Variants in NEBL observed in about 807,000 individuals in gnomAD.
NEBL encodes the protein LIM and SH3 protein 2.
NEBL carries 122 observed loss-of-function variants against 140.2 expected under a neutral mutation model. That is an observed-to-expected ratio of 0.87 (90% CI 0.75 to 1.01). The LOEUF (loss-of-function observed/expected upper bound fraction) is 1.01. Ranked by LOEUF, NEBL falls within the 50% of genes least tolerant of loss-of-function variation. The probability of loss-of-function intolerance (pLI) is 0.00; values close to 1 mark genes in which losing one functional copy is unlikely to be tolerated. For synonymous variants in NEBL, 436 were observed against 398.9 expected (o/e 1.09, Z -1.11); for missense variants, 1,365 against 1,231.3 (o/e 1.11, Z -1.62).
In NEBL at chr10:20,940,081, G is replaced by A. The variant is rs868747342; in HGVS notation, c.357+21591C>T. Among the ~76,000 whole-genome samples, 986 of 151,756 alleles carry A rather than the reference G, an allele frequency of 6.5e-3. 10 individuals are homozygous for A. The highest frequency in any genetic ancestry group is 0.021 in the African/African-American group (884 of 41,350). On this transcript the variant is annotated intron_variant, in intron 4 of 6. Coordinates refer to the NEBL transcript ENST00000417816. The stretch of plus-strand genomic sequence containing the variant: ...AATTGAACTCAGCTCTGCACCAAGC[G>A]GACTTAATAGACATCTACAGAACTC...
At chr10:21,004,442 CG>C (rs1838034322) in intron 3 of NEBL, among the ~76,000 whole-genome samples, 1 of 152,032 alleles carries the variant, frequency 6.6e-6, no homozygotes, top group Admixed American at 6.6e-5. Flanking sequence ...TCACCTGGGC[CG>C]GGCACGGTGG....
chr10:20,876,333 G>A (rs914771264), intron 5 of NEBL, among the ~76,000 whole-genome samples: 1 of 152,068 alleles, frequency 6.6e-6, no homozygotes, highest in African/African-American at 2.4e-5. Context: ...ACCATATTGT[G>A]TAGAAGGCAG....
intron 26 of NEBL, among the ~76,000 whole-genome samples, chr10:20,802,358 C>T (rs992864696): frequency 3.3e-5 from 5 of 152,070 alleles, no homozygotes; most frequent in African/African-American, 4.8e-5. Context: ...AATCTAATAC[C>T]AAAAGGCAGT....
chr10:20,996,889 C>T (rs1467547319), intron 3 of NEBL, among the ~76,000 whole-genome samples: 1 of 152,178 alleles, frequency 6.6e-6, no homozygotes, highest in African/African-American at 2.4e-5. Flanking sequence ...TCTCTCTAAA[C>T]CCCAGAATAC....
intron 7 of NEBL, among the ~76,000 whole-genome samples, chr10:20,865,604 A>C (rs1588871363): frequency 6.6e-6 from 1 of 152,256 alleles, no homozygotes; most frequent in East Asian, 1.9e-4. Context: ...AGAGGCCAGT[A>C]GCTATGCTGG....
intron 3 of NEBL, among the ~76,000 whole-genome samples, chr10:21,206,581 T>C (rs905719070): frequency 2.0e-5 from 3 of 152,144 alleles, no homozygotes; most frequent in African/African-American, 7.2e-5. Context: ...TTATGGGAAG[T>C]CAACATACCT....
chr10:21,186,257 A>AACACAC (rs765894739), intron 3 of NEBL, among the ~76,000 whole-genome samples: 3,573 of 124,788 alleles, frequency 0.029, 127 homozygotes, highest in African/African-American at 0.085. Context: ...TATATATACA[A>AACACAC]ACACACACAC....
intron 2 of NEBL, among the ~76,000 whole-genome samples, chr10:21,091,027 T>C (rs1334822549): frequency 6.6e-6 from 1 of 151,890 alleles, no homozygotes; most frequent in East Asian, 1.9e-4. Flanking sequence ...CAATTTTGAT[T>C]CCTCCCTCTC....
At chr10:21,103,728 CT>C (rs2077395377) in intron 2 of NEBL, among the ~76,000 whole-genome samples, 1 of 102,500 alleles carries the variant, frequency 9.8e-6, no homozygotes, top group Non-Finnish European at 1.7e-5. Flanking sequence ...TTCTCCTATT[CT>C]CTGGCTCCCT....
At chr10:20,939,605 G>A (rs1389137953) in intron 4 of NEBL, among the ~76,000 whole-genome samples, 2 of 152,038 alleles carry the variant, frequency 1.3e-5, no homozygotes, top group African/African-American at 4.8e-5. Flanking sequence ...AAACGTAAAT[G>A]GGCTAAATGC....
chr10:20,890,098 C>T (rs536160175), intron 2 of NEBL, 149 bp from the exon 3 acceptor site: 21 of 610,478 alleles, frequency 3.4e-5, no homozygotes, highest in East Asian at 8.4e-5. Flanking sequence ...GTTAAATAAA[C>T]GGCTATCCAG....
chr10:21,257,871 C>T lies in NEBL; in HGVS notation n.183-6043G>A, dbSNP rs188180631. ...CTGCACTCCAGCCTGGGTGGCAGAG[C>T]GAGACTCCATCTCACACACACACAC... is the stretch of plus-strand genomic sequence containing the variant. On this transcript the variant is annotated intron_variant and non_coding_transcript_variant, in intron 1 of 8. Transcript: ENST00000675702. Among the ~76,000 whole-genome samples the T allele has an allele frequency of 1.7e-3, 254 of 150,936 alleles. 1 individual carries two copies. Among genetic ancestry groups the T allele is most frequent in the African/African-American group, 5.9e-3 (240 of 41,016 alleles).
At chr10:20,830,672 C>T (rs1189321628) in intron 16 of NEBL, among the ~76,000 whole-genome samples, 1 of 150,538 alleles carries the variant, frequency 6.6e-6, no homozygotes, top group African/African-American at 2.4e-5. Flanking sequence ...AAAGACAAAA[C>T]GTTTGTAATT....
At chr10:21,259,941 A>G (rs184778217) in intron 1 of NEBL, among the ~76,000 whole-genome samples, 2 of 152,308 alleles carry the variant, frequency 1.3e-5, no homozygotes, top group East Asian at 3.9e-4. Flanking sequence ...CCACTTTGCA[A>G]CCAAGAGAGA....
rs562388206 is a variant in NEBL at position 21,114,374 on chromosome 10, C to T, written c.164+58009G>A. Among the ~76,000 whole-genome samples, 4 of 152,114 alleles carry T rather than the reference C, an allele frequency of 2.6e-5. No individual in the cohort carries two copies. The South Asian group carries it at 8.3e-4, about 32-fold the overall frequency. ...TCTATCTTGGTAAATGTTCTGTGTG[C>T]ACTTGAAAAGAATCTGCATTCTGCT... is the stretch of plus-strand genomic sequence containing the variant. On this transcript the variant is annotated intron_variant, in intron 2 of 6. Coordinates refer to the NEBL transcript ENST00000417816.
chr10:20,809,860 C>T lies in NEBL; in HGVS notation c.2557G>A (p.Asp853Asn), dbSNP rs769413446. Residue 853 changes from aspartate (D) to asparagine (N), a missense_variant, in exon 25 of 28, where the codon GAC (aspartate) becomes AAC (asparagine). Transcript: ENST00000377122. The part of the protein sequence containing the change: ...VWRTDPGSIF[D>N]LDPLEDNIQS... The stretch of plus-strand genomic sequence containing the variant: ...ATATTGTCTTCCAGGGGATCAAGGT[C>T]GAAGATGGAGCCAGGATCTGTGCGC... The T allele has an allele frequency of 1.2e-5, 19 of 1,609,560 alleles. No individual in the cohort carries two copies. The highest frequency in any genetic ancestry group is 1.1e-4 in the African/African-American group (8 of 73,656).
At chr10:21,087,372 A>T (rs1292714471) in intron 2 of NEBL, among the ~76,000 whole-genome samples, 1 of 152,084 alleles carries the variant, frequency 6.6e-6, no homozygotes, top group East Asian at 1.9e-4. Context: ...TTTTTTATTG[A>T]TGACCCAAGT....
chr10:21,206,968 C>CTTTTTTTTTTT (rs1028716031), intron 3 of NEBL, among the ~76,000 whole-genome samples: 19 of 99,132 alleles, frequency 1.9e-4, no homozygotes, highest in East Asian at 5.7e-4. Context: ...CTTTTTCTTT[C>CTTTTTTTTTTT]TTTTTTTTTT....
chr10:21,217,649 A>G (rs1194498405), intron 3 of NEBL, among the ~76,000 whole-genome samples: 1 of 152,174 alleles, frequency 6.6e-6, no homozygotes, highest in African/African-American at 2.4e-5. Flanking sequence ...GCTGCTTGGA[A>G]TCTTGGTCTT....
Sources: gnomAD v4.1 joint callset for allele counts (sites outside exome capture counted in the v4.1 genomes callset) on GRCh38, gnomAD v4.1.1 for gene constraint, MANE v1.5 for transcripts, NCBI Gene and HGNC (gene_info 2026-07-23, HGNC 2026-07-21) for gene names.